Variants in SRPK1 observed in about 807,000 individuals in gnomAD.
The protein encoded by SRPK1 is SFRS protein kinase 1.
A neutral mutation model predicts 89.5 loss-of-function variants in SRPK1; 52 were observed. The ratio of observed to expected loss-of-function variants is 0.58; its 90% confidence interval spans 0.46 to 0.73. The LOEUF is 0.73. Among genes scored for constraint, SRPK1 ranks in the 30% least tolerant of loss-of-function variants. SRPK1 has a pLI of 0.00. For synonymous variants in SRPK1, 255 were observed against 270.2 expected (o/e 0.94, Z 0.55); for missense variants, 603 against 780.6 (o/e 0.77, Z 2.71).
At chr6:35,849,846 T>C (rs1339740573) in intron 13 of SRPK1, among the ~76,000 whole-genome samples, 1 of 152,168 alleles carries the variant, frequency 6.6e-6, no homozygotes, top group African/African-American at 2.4e-5. Flanking sequence ...ATTCAACTTG[T>C]ATACACAATG....
chr6:35,894,411 C>T (rs535378713), intron 2 of SRPK1, among the ~76,000 whole-genome samples: 7 of 152,216 alleles, frequency 4.6e-5, no homozygotes, highest in African/African-American at 7.2e-5. Context: ...CGTAATATCT[C>T]TACTCAAGAT....
At chr6:35,888,208 A>T (rs1770449229) in intron 4 of SRPK1, 97 bp from the exon 5 acceptor site, 1 of 709,360 alleles carries the variant, frequency 1.4e-6, no homozygotes, top group Non-Finnish European at 2.2e-6. Context: ...ACAAATATTG[A>T]TTTCACGTTT....
At chr6:35,880,657 T>A (rs535996771) in intron 6 of SRPK1, among the ~76,000 whole-genome samples, 1 of 140,460 alleles carries the variant, frequency 7.1e-6, no homozygotes, top group Admixed American at 7.5e-5. Context: ...GGGAGGCAGA[T>A]TGCAGTGAGC....
intron 2 of SRPK1, among the ~76,000 whole-genome samples, chr6:35,903,510 CAA>C (rs199765665): frequency 1.3e-4 from 15 of 119,866 alleles, no homozygotes; most frequent in Admixed American, 8.5e-5. Context: ...AGACTGTCTC[CAA>C]AAAAAAAAAA....
intron 12 of SRPK1, among the ~76,000 whole-genome samples, chr6:35,867,054 C>A (rs1217871154): frequency 1.3e-5 from 2 of 152,022 alleles, no homozygotes; most frequent in East Asian, 3.9e-4. Flanking sequence ...TTGGTGGTTA[C>A]AATGTGCACT....
chr6:35,834,164 A>AAAC lies in SRPK1; in HGVS notation c.*1139_*1140insGTT, dbSNP rs1561962246. 7.2e-5 allele frequency: 11 copies of AAAC among 152,576 alleles called. No homozygotes were observed. Among genetic ancestry groups the AAAC allele is most frequent in the African/African-American group, 2.7e-4 (11 of 41,436 alleles). 9.5% of individuals were successfully genotyped at this position (152,576 alleles called of 1,614,324 possible). ...TAAAAAATAACGAACCAACCAACCA[A>AAAC]AAAACAAAACAAAACAAGACCAACA... On this transcript the variant is annotated 3_prime_UTR_variant, in exon 16 of 16. Coordinates refer to ENST00000373825, the MANE Select transcript of SRPK1 (RefSeq NM_003137.5).
At chr6:35,908,894 G>A (rs1407551209) in intron 2 of SRPK1, among the ~76,000 whole-genome samples, 1 of 152,238 alleles carries the variant, frequency 6.6e-6, no homozygotes, top group East Asian at 1.9e-4. Flanking sequence ...ACGTGGTGTT[G>A]GGCCTGCAGG....
At chr6:35,842,738 AAAAC>A in intron 13 of SRPK1, 134 bp from the exon 14 acceptor site, 1 of 520,382 alleles carries the variant, frequency 1.9e-6, no homozygotes, top group Non-Finnish European at 3.2e-6. Context: ...AAAAAAAAAA[AAAAC>A]AAAAACTTAA....
intron 2 of SRPK1, among the ~76,000 whole-genome samples, chr6:35,916,250 T>TAATA (rs71792319): frequency 0.016 from 1,957 of 120,656 alleles, 44 homozygotes; most frequent in African/African-American, 0.049. Flanking sequence ...ATAAATTAAT[T>TAATA]AATTAATTAA....
At chr6:35,884,387 G>T (rs1770360442) in intron 6 of SRPK1, among the ~76,000 whole-genome samples, 2 of 152,134 alleles carry the variant, frequency 1.3e-5, no homozygotes, top group African/African-American at 2.4e-5. Context: ...ATTTTAATAT[G>T]AGAAACGATA....
At chr6:35,911,620 A>G (rs547386049) in intron 2 of SRPK1, among the ~76,000 whole-genome samples, 1 of 151,908 alleles carries the variant, frequency 6.6e-6, no homozygotes, top group East Asian at 1.9e-4. Flanking sequence ...TTTAAGAGCT[A>G]AGGTCTCACT....
At chr6:35,870,900 A>T in intron 9 of SRPK1, 34 bp downstream of exon 9, 2 of 1,564,626 alleles carry the variant, frequency 1.3e-6, no homozygotes, top group Non-Finnish European at 1.7e-6. Flanking sequence ...TAGTCCATAG[A>T]TCAAAATTAA....
At chr6:35,913,703 CAGG>C (rs770420312) in intron 2 of SRPK1, among the ~76,000 whole-genome samples, 110 of 151,342 alleles carry the variant, frequency 7.3e-4, no homozygotes, top group Middle Eastern at 3.4e-3. Flanking sequence ...GAGCCTGAGG[CAGG>C]AGAATTGCTT....
chr6:35,902,232 CAAAAAAAAA>C (rs58763282), intron 2 of SRPK1, among the ~76,000 whole-genome samples: 1 of 83,588 alleles, frequency 1.2e-5, no homozygotes, highest in Non-Finnish European at 2.4e-5. Flanking sequence ...TCCGTCTCTA[CAAAAAAAAA>C]AAAAAAAAAA....
rs2127245209 is a variant in SRPK1, at chr6:35,869,869, G to A, written c.1024C>T (p.Leu342Phe). The A allele has an allele frequency of 1.3e-6, 2 of 1,591,326 alleles. No individual in the cohort carries two copies. The highest frequency in any genetic ancestry group is 1.7e-6 in the Non-Finnish European group (2 of 1,169,338). Residue 342 changes from leucine (L) to phenylalanine (F), a missense_variant, in exon 11 of 16, where the codon CTT (leucine) becomes TTT (phenylalanine). By Grantham distance (22) the Leu-to-Phe change is conservative (BLOSUM62 0). Coordinates refer to ENST00000373825, the MANE Select transcript of SRPK1 (RefSeq NM_003137.5). ...ESSTIGQDQT[L>F]MERDTEGGAA... ...CCACCCTCTGTATCACGTTCCATAA[G>A]CGTTTGATCCTGGCCAATGGTACTT...
chr6:35,883,408 A>G (rs1048172955), intron 6 of SRPK1, among the ~76,000 whole-genome samples: 5 of 152,110 alleles, frequency 3.3e-5, no homozygotes, highest in Admixed American at 3.3e-4. Context: ...TAAAAATAAA[A>G]AAGCAATTAA....
intron 13 of SRPK1, 37 bp downstream of exon 13, chr6:35,857,224 C>G: frequency 6.8e-7 from 1 of 1,468,246 alleles, no homozygotes; most frequent in Non-Finnish European, 9.5e-7. Context: ...AGATATGTAC[C>G]ACTTAACAAG....
chr6:35,861,367 A>G (rs9470144), intron 12 of SRPK1, among the ~76,000 whole-genome samples: 48,026 of 152,174 alleles, frequency 0.32, 7,830 homozygotes, highest in South Asian at 0.42. Flanking sequence ...ATGTTGCTCC[A>G]AACAGGGAAC....
At chr6:35,870,616 A>C in intron 9 of SRPK1, 122 bp from the exon 10 acceptor site, 1 of 899,478 alleles carries the variant, frequency 1.1e-6, no homozygotes, top group Non-Finnish European at 1.7e-6. Flanking sequence ...CTAACATAGC[A>C]CTTAAGTCTT....
Sources: allele counts gnomAD v4.1 joint callset (sites outside exome capture counted in the v4.1 genomes callset), GRCh38; gene constraint gnomAD v4.1.1; transcripts MANE v1.5; gene names NCBI Gene and HGNC (gene_info 2026-07-23, HGNC 2026-07-21).